EYA1: variants seen among roughly 807,000 people sequenced by gnomAD.
EYA1 encodes protein phosphatase EYA1.
A neutral mutation model predicts 82.0 loss-of-function variants in EYA1; 16 were observed. The ratio of observed to expected loss-of-function variants is 0.20; its 90% confidence interval spans 0.13 to 0.30. The LOEUF is 0.30. Ranked by LOEUF, EYA1 falls within the 10% of genes least tolerant of loss-of-function variation. The pLI is 1.00. For missense variants in EYA1, 633 were observed against 730.7 expected (o/e 0.87, Z 1.54); for synonymous variants, 261 against 264.4 (o/e 0.99, Z 0.12).
rs568050550 is a variant in EYA1, at chr8:71,355,646, C to T, written c.-4-737G>A. 4.6e-5 allele frequency among the ~76,000 whole-genome samples: 7 copies of T among 152,286 alleles called. No homozygotes were observed. In the South Asian group the frequency reaches 8.3e-4, roughly 18 times the overall value. On this transcript the variant is annotated intron_variant, in intron 2 of 17. Coordinates refer to ENST00000340726, the MANE Select transcript of EYA1 (RefSeq NM_000503.6). ...GTGGGTCCCTGCAAGCATTAGCACT[C>T]GGAATACCTCAGCTGTCACTTACTC...
At chr8:71,467,046 T>C (rs997267125) in intron 2 of EYA1, among the ~76,000 whole-genome samples, 2 of 152,120 alleles carry the variant, frequency 1.3e-5, no homozygotes, top group Non-Finnish European at 1.5e-5. Context: ...TTCTAAACCA[T>C]TTCAGGCTTT....
At chr8:71,250,927 T>C (rs1813676188) in intron 11 of EYA1, among the ~76,000 whole-genome samples, 1 of 152,190 alleles carries the variant, frequency 6.6e-6, no homozygotes, top group Non-Finnish European at 1.5e-5. Flanking sequence ...GTTAGTGTTG[T>C]CAGTGAAAAA....
At chr8:71,498,823 A>G (rs1811606010) in intron 2 of EYA1, among the ~76,000 whole-genome samples, 1 of 152,216 alleles carries the variant, frequency 6.6e-6, no homozygotes, top group African/African-American at 2.4e-5. Context: ...AGTCACAAGC[A>G]GGGCTGAAGA....
At chr8:71,283,542 T>TC (rs1491129566) in intron 9 of EYA1, among the ~76,000 whole-genome samples, 3 of 150,492 alleles carry the variant, frequency 2.0e-5, no homozygotes, top group Admixed American at 1.3e-4. Context: ...TTTTTTTTTT[T>TC]CCACAACCTG....
At position 71,361,828 on chromosome 8, in the gene EYA1, G is replaced by A; in HGVS notation, c.-236C>T. The A allele has an allele frequency of 2.0e-6, 2 of 985,476 alleles. No individual in the cohort carries two copies. The highest frequency in any genetic ancestry group is 2.4e-6 in the Non-Finnish European group (2 of 829,942). The allele number at this position is 985,476 out of a possible 1,614,324, so 61.0% of individuals were successfully genotyped here. On this transcript the variant is annotated 5_prime_UTR_variant, in exon 1 of 18. Coordinates refer to ENST00000340726, the MANE Select transcript of EYA1 (RefSeq NM_000503.6). ...CCTCTGCAGGGGAAAGCTCGGCGCAGGGGGCAGGCGCCTGGCCGCTGCCGC... is the reference window on the plus strand; with the variant it reads ...CCTCTGCAGGGGAAAGCTCGGCGCAAGGGGCAGGCGCCTGGCCGCTGCCGC...
chr8:71,522,794 A>C (rs961074457), intron 2 of EYA1, among the ~76,000 whole-genome samples: 10 of 151,846 alleles, frequency 6.6e-5, no homozygotes, highest in Non-Finnish European at 7.4e-5. Context: ...ATTTTTTTGT[A>C]GAGAGTGGTC....
intron 2 of EYA1, among the ~76,000 whole-genome samples, chr8:71,390,376 C>T (rs1829209611): frequency 6.6e-6 from 1 of 151,790 alleles, no homozygotes; most frequent in Non-Finnish European, 1.5e-5. Context: ...GATCCTTCTG[C>T]CTCAGTCTCC....
intron 3 of EYA1, among the ~76,000 whole-genome samples, chr8:71,344,432 T>A (rs1825491040): frequency 6.6e-6 from 1 of 152,214 alleles, no homozygotes; most frequent in African/African-American, 2.4e-5. Context: ...ATGCCATACA[T>A]TTTGCTAAGC....
chr8:71,469,340 C>T (rs531804820), intron 2 of EYA1, among the ~76,000 whole-genome samples: 14 of 152,102 alleles, frequency 9.2e-5, no homozygotes, highest in South Asian at 2.1e-4. Context: ...AGCCCTCCTA[C>T]GACTTACCTA....
intron 9 of EYA1, among the ~76,000 whole-genome samples, chr8:71,278,087 T>C (rs1817407644): frequency 6.6e-6 from 1 of 152,146 alleles, no homozygotes; most frequent in Non-Finnish European, 1.5e-5. Context: ...GTTACTTCCA[T>C]TTTTTCCTCA....
intron 2 of EYA1, among the ~76,000 whole-genome samples, chr8:71,388,508 T>G (rs1194245148): frequency 6.6e-6 from 1 of 152,208 alleles, no homozygotes; most frequent in Non-Finnish European, 1.5e-5. Flanking sequence ...TAATGTGTAA[T>G]TTCACATGTA....
chr8:71,466,654 T>G (rs1808790144), intron 2 of EYA1, among the ~76,000 whole-genome samples: 1 of 152,186 alleles, frequency 6.6e-6, no homozygotes, highest in African/African-American at 2.4e-5. Context: ...GATTTATACC[T>G]CTCGACAAAA....
At chr8:71,472,723 G>A (rs1394087324) in intron 2 of EYA1, among the ~76,000 whole-genome samples, 6 of 147,840 alleles carry the variant, frequency 4.1e-5, no homozygotes, top group South Asian at 2.1e-4. Flanking sequence ...TGACCAAGCC[G>A]CACATTTAAC....
In EYA1 at chr8:71,415,037, C is replaced by A. The variant is rs114582151; in HGVS notation, c.34-58526G>T. 4.0e-3 allele frequency among the ~76,000 whole-genome samples: 615 copies of A among 152,252 alleles called. 5 individuals carry two copies. Among genetic ancestry groups the A allele is most frequent in the African/African-American group, 0.014 (591 of 41,540 alleles). ...CTTCAAAACTTGTAAAACAGAAATTCTTCTCCAATGGCCTCAGCATCACAT... is the reference window on the plus strand; with the variant it reads ...CTTCAAAACTTGTAAAACAGAAATTATTCTCCAATGGCCTCAGCATCACAT... On this transcript the variant is annotated intron_variant, in intron 2 of 18. Coordinates refer to the EYA1 transcript ENST00000643681.
intron 2 of EYA1, among the ~76,000 whole-genome samples, chr8:71,400,869 A>G (rs932567238): frequency 2.0e-5 from 3 of 152,174 alleles, no homozygotes; most frequent in African/African-American, 7.2e-5. Context: ...TACAATGACA[A>G]AGGCATGAAA....
At chr8:71,423,458 A>G (rs1396238057) in intron 2 of EYA1, among the ~76,000 whole-genome samples, 3 of 152,158 alleles carry the variant, frequency 2.0e-5, no homozygotes, top group Non-Finnish European at 4.4e-5. Flanking sequence ...TTATTCTTCA[A>G]ACTGGCAAGA....
intron 2 of EYA1, among the ~76,000 whole-genome samples, chr8:71,412,163 G>A (rs1489390112): frequency 7.6e-6 from 1 of 131,936 alleles, no homozygotes; most frequent in Non-Finnish European, 1.6e-5. Context: ...CTCACTCATA[G>A]GTGGGAATTG....
At chr8:71,318,308 C>A (rs991963075) in intron 6 of EYA1, among the ~76,000 whole-genome samples, 3 of 152,146 alleles carry the variant, frequency 2.0e-5, no homozygotes, top group Non-Finnish European at 2.9e-5. Flanking sequence ...AAGCAGAACA[C>A]TAATGAGCTG....
At chr8:71,495,877 C>G (rs1327095664) in intron 2 of EYA1, among the ~76,000 whole-genome samples, 2 of 152,176 alleles carry the variant, frequency 1.3e-5, no homozygotes, top group Admixed American at 1.3e-4. Flanking sequence ...AAGGGAATGC[C>G]TTGCCAGGGG....
Sources: gnomAD v4.1 joint callset for allele counts (sites outside exome capture counted in the v4.1 genomes callset) on GRCh38, gnomAD v4.1.1 for gene constraint, MANE v1.5 for transcripts, NCBI Gene and HGNC (gene_info 2026-07-23, HGNC 2026-07-21) for gene names.